EDIL3: variants seen among roughly 807,000 people sequenced by gnomAD.
EDIL3 encodes the protein EGF like and discoidin domains 3, also known as EGF-like repeat and discoidin I-like domain-containing protein 3.
Under a neutral mutation model 67.4 loss-of-function variants are expected in EDIL3, and 37 were observed. The observed-to-expected ratio is 0.55, with a 90% CI of 0.42 to 0.72. EDIL3 has a LOEUF of 0.72. Ranked by LOEUF, EDIL3 falls within the 30% of genes least tolerant of loss-of-function variation. EDIL3 has a pLI of 0.00. For synonymous variants in EDIL3, 195 were observed against 196.3 expected (o/e 0.99, Z 0.05); for missense variants, 527 against 586.3 (o/e 0.90, Z 1.04).
At chr5:84,029,010 C>A (rs1428847728) in intron 9 of EDIL3, among the ~76,000 whole-genome samples, 2 of 152,136 alleles carry the variant, frequency 1.3e-5, no homozygotes, top group South Asian at 2.1e-4. Context: ...GTAATCCCAG[C>A]ACTTTGGGAG....
At chr5:84,157,116 A>AT (rs568397878) in intron 4 of EDIL3, among the ~76,000 whole-genome samples, 158 of 152,236 alleles carry the variant, frequency 1.0e-3, no homozygotes, top group African/African-American at 3.4e-3. Flanking sequence ...TTTTTTTACC[A>AT]TTTTTTTCTA....
At chr5:84,101,734 CAGATATACAAAGA>C (rs1241774078) in intron 6 of EDIL3, among the ~76,000 whole-genome samples, 4 of 149,140 alleles carry the variant, frequency 2.7e-5, no homozygotes, top group African/African-American at 7.7e-5. Context: ...TGAATTCTAC[CAGATATACAAAGA>C]AGAGCTGGTA....
chr5:84,308,672 CTG>C (rs1386950663), intron 1 of EDIL3, among the ~76,000 whole-genome samples: 4 of 151,792 alleles, frequency 2.6e-5, no homozygotes, highest in Admixed American at 6.6e-5. Context: ...AATTATTAAT[CTG>C]TGATTCAATT....
At chr5:84,304,724 T>C (rs1746231143) in intron 1 of EDIL3, among the ~76,000 whole-genome samples, 1 of 152,214 alleles carries the variant, frequency 6.6e-6, no homozygotes, top group Non-Finnish European at 1.5e-5. Flanking sequence ...TGGTTTTACA[T>C]ATTTATGACT....
intron 1 of EDIL3, among the ~76,000 whole-genome samples, chr5:84,300,933 T>TACAC (rs5869219): frequency 0.012 from 1,776 of 149,692 alleles, 19 homozygotes; most frequent in African/African-American, 0.04. Flanking sequence ...CACAGACACA[T>TACAC]ACACACACAC....
In EDIL3 at chr5:84,072,900, G is replaced by T. The variant is rs181978483; in HGVS notation, c.652-6294C>A. ...TTAGCATAATGCTGTGGAAAGAGTAGTAAGACTTCAGCAACAGGACAGTGT... is the reference window on the plus strand; with the variant it reads ...TTAGCATAATGCTGTGGAAAGAGTATTAAGACTTCAGCAACAGGACAGTGT... On this transcript the variant is annotated intron_variant, in intron 6 of 10. Transcript: ENST00000296591. Among the ~76,000 whole-genome samples, 31 of 152,170 alleles carry T rather than the reference G, an allele frequency of 2.0e-4. 2 individuals are homozygous for T. In the East Asian group the frequency reaches 5.4e-3, roughly 27 times the overall value.
chr5:84,342,634 A>G (rs1238494898), intron 1 of EDIL3, among the ~76,000 whole-genome samples: 1 of 152,016 alleles, frequency 6.6e-6, no homozygotes, highest in African/African-American at 2.4e-5. Context: ...TAAACGTAAC[A>G]GCCTTTCTCT....
intron 1 of EDIL3, among the ~76,000 whole-genome samples, chr5:84,309,706 G>C (rs1027184775): frequency 5.3e-5 from 8 of 152,144 alleles, no homozygotes; most frequent in Admixed American, 5.2e-4. Flanking sequence ...GTATTCCATG[G>C]TGTATATGTG....
At chr5:84,090,996 T>C (rs1040009567) in intron 6 of EDIL3, among the ~76,000 whole-genome samples, 1 of 150,828 alleles carries the variant, frequency 6.6e-6, no homozygotes, top group Non-Finnish European at 1.5e-5. Flanking sequence ...TTATGGGATA[T>C]AACAGTTACT....
chr5:84,095,911 C>T (rs545988411), intron 6 of EDIL3, among the ~76,000 whole-genome samples: 3 of 152,336 alleles, frequency 2.0e-5, no homozygotes, highest in East Asian at 1.9e-4. Flanking sequence ...GTTTTGTGGG[C>T]TGGGCCCAGG....
At chr5:84,050,268 A>C (rs934749027) in intron 9 of EDIL3, among the ~76,000 whole-genome samples, 3 of 151,838 alleles carry the variant, frequency 2.0e-5, no homozygotes, top group Non-Finnish European at 2.9e-5. Context: ...TTTTGATCTT[A>C]TAGAAGTGAG....
chr5:84,176,686 TGTAGACAATTTTG>T (rs1748921332), intron 4 of EDIL3, among the ~76,000 whole-genome samples: 1 of 151,998 alleles, frequency 6.6e-6, no homozygotes, highest in South Asian at 2.1e-4. Flanking sequence ...AAGTTTGACC[TGTAGACAATTTTG>T]GTGCTCAATT....
At chr5:83,977,794 G>C (rs1206153277) in intron 9 of EDIL3, among the ~76,000 whole-genome samples, 1 of 151,334 alleles carries the variant, frequency 6.6e-6, no homozygotes, top group African/African-American at 2.4e-5. Context: ...TTATTCTCTT[G>C]GATAATTTTG....
At chr5:84,110,860 T>C (rs1404987444) in intron 5 of EDIL3, among the ~76,000 whole-genome samples, 1 of 152,156 alleles carries the variant, frequency 6.6e-6, no homozygotes, top group African/African-American at 2.4e-5. Context: ...ACACTGAGGA[T>C]GTAATGGAGT....
rs1747473307 is a variant in EDIL3 at position 84,106,817 on chromosome 5, T to G, written c.483A>C (p.Pro161=). ...GRNCQYKCSG[P]LGIEGGIISN... ...ATATAATTCCACCTTCAATTCCCAG[T>G]GGGCCTGAGCATTCTGGAAACAAAA... The change falls in exon 6 of 11, where the codon CCA becomes CCC. Residue 161 remains proline, a synonymous_variant. Coordinates refer to ENST00000296591, the MANE Select transcript of EDIL3 (RefSeq NM_005711.5). 9 of 1,608,176 alleles carry G rather than the reference T, an allele frequency of 5.6e-6. No homozygotes were observed. The highest frequency in any genetic ancestry group is 7.6e-6 in the Non-Finnish European group (9 of 1,177,872).
At chr5:84,057,821 C>T (rs1746476539) in intron 9 of EDIL3, among the ~76,000 whole-genome samples, 1 of 151,962 alleles carries the variant, frequency 6.6e-6, no homozygotes. Flanking sequence ...TTATGGAATG[C>T]CCACCATGTG....
At chr5:84,147,183 TG>T (rs2112326272) in intron 4 of EDIL3, among the ~76,000 whole-genome samples, 1 of 152,284 alleles carries the variant, frequency 6.6e-6, no homozygotes, top group Admixed American at 6.6e-5. Flanking sequence ...AAATTCTGTA[TG>T]TGATCTTCTG....
In EDIL3 at chr5:84,066,453, T is replaced by G. The variant is rs1168439993; in HGVS notation, c.805A>C (p.Met269Leu). The change falls in exon 7 of 11, where the codon ATG becomes CTG. Residue 269 changes from methionine (M) to leucine (L), a missense_variant and splice_region_variant. Met to Leu is a conservative substitution (Grantham distance 15, BLOSUM62 2). Coordinates refer to ENST00000296591, the MANE Select transcript of EDIL3 (RefSeq NM_005711.5). Reference protein sequence around the residue: ...MYKVKGTNEDMVFRGNIDNNT... With the variant: ...MYKVKGTNEDLVFRGNIDNNT... The stretch of plus-strand genomic sequence containing the variant: ...TAAGTAGGTTAAATTATTCTTACCA[T>G]GTCTTCATTGGTGCCTTTCACTTTG... The G allele has an allele frequency of 6.3e-7, 1 of 1,592,362 alleles. No individual in the cohort carries two copies. The highest frequency in any genetic ancestry group is 1.2e-5 in the South Asian group (1 of 85,328).
intron 1 of EDIL3, among the ~76,000 whole-genome samples, chr5:84,270,020 C>T (rs372082323): frequency 5.3e-5 from 8 of 152,044 alleles, no homozygotes; most frequent in South Asian, 2.1e-4. Flanking sequence ...TTGGAGTAAG[C>T]GAGAGAAAAA....
Sources: allele counts gnomAD v4.1 joint callset (sites outside exome capture counted in the v4.1 genomes callset), GRCh38; gene constraint gnomAD v4.1.1; transcripts MANE v1.5; gene names NCBI Gene and HGNC (gene_info 2026-07-23, HGNC 2026-07-21).